Variants in HDLBP observed in about 807,000 individuals in gnomAD.
The protein encoded by HDLBP is vigilin.
A neutral mutation model predicts 137.3 loss-of-function variants in HDLBP; 30 were observed. That is an observed-to-expected ratio of 0.22 (90% CI 0.16 to 0.30). The LOEUF (loss-of-function observed/expected upper bound fraction) is 0.30. Among genes scored for constraint, HDLBP ranks in the 10% least tolerant of loss-of-function variants. The pLI is 1.00. For synonymous variants in HDLBP, 606 were observed against 596.0 expected, an observed-to-expected ratio of 1.02 and a Z score of -0.24; for missense variants, 1,119 against 1,667.3, an observed-to-expected ratio of 0.67 and a Z score of 5.73.
chr2:241,252,891 C>T, intron 11 of HDLBP, 66 bp downstream of exon 11: 4 of 1,101,118 alleles, frequency 3.6e-6, no homozygotes, highest in Non-Finnish European at 4.2e-6. Context: ...ACAGTTCTCA[C>T]AGCTGACACC....
chr2:241,301,662 T>A (rs1178868192), intron 1 of HDLBP, among the ~76,000 whole-genome samples: 1 of 152,034 alleles, frequency 6.6e-6, no homozygotes, highest in African/African-American at 2.4e-5. Flanking sequence ...CACACTTCAG[T>A]CTTCTATTTA....
chr2:241,231,503 T>G (rs1169185735), intron 24 of HDLBP, among the ~76,000 whole-genome samples: 1 of 151,894 alleles, frequency 6.6e-6, no homozygotes, highest in African/African-American at 2.4e-5. Context: ...ACATTTGTCC[T>G]CAAAGACAAA....
In HDLBP at chr2:241,235,109, C is replaced by T. The variant is rs1214172349; in HGVS notation, c.3144+12G>A. On this transcript the variant is annotated intron_variant, in intron 23 of 27. Transcript: ENST00000310931. ...ATGGCTCTGGGCAGTGCCCCGGCCA[C>T]CTCCTGCTCACCCGGTCCTCCTGCT... The T allele has an allele frequency of 1.2e-6, 2 of 1,611,304 alleles. No individual in the cohort carries two copies. The highest frequency in any genetic ancestry group is 1.7e-5 in the Admixed American group (1 of 59,986).
In HDLBP at chr2:241,242,564, G is replaced by C; in HGVS notation, c.2065C>G (p.His689Asp). ...IMEECGGVHI[H>D]FPVEGSGSDT... ...CTTCCTGAACCTTCCACGGGAAAGT[G>C]AATGTGGACCCCGCCGCACTCCTCC... Residue 689 changes from histidine to aspartate, a missense_variant, in exon 17 of 28, where the codon CAC (histidine) becomes GAC (aspartate). Physicochemically the swap from His to Asp is moderately conservative, Grantham distance 81. Around this residue, in one of 4 missense-constraint regions of HDLBP, gnomAD observed 618 missense variants for 816.7 expected, o/e 0.76. Coordinates refer to ENST00000310931, the MANE Select transcript of HDLBP (RefSeq NM_005336.6). 1 of 1,614,224 alleles carries C rather than the reference G, an allele frequency of 6.2e-7. No homozygotes were observed. The highest frequency in any genetic ancestry group is 2.2e-5 in the East Asian group (1 of 44,882).
chr2:241,309,026 T>G (rs920897471), intron 1 of HDLBP, among the ~76,000 whole-genome samples: 1 of 152,068 alleles, frequency 6.6e-6, no homozygotes, highest in African/African-American at 2.4e-5. Context: ...GCCCCCGTGC[T>G]TTTCACCTCC....
chr2:241,291,918 C>A (rs958702057), intron 1 of HDLBP, among the ~76,000 whole-genome samples: 5 of 152,166 alleles, frequency 3.3e-5, no homozygotes, highest in African/African-American at 1.2e-4. Context: ...CCAGAGCTGC[C>A]TGATGGCACC....
intron 1 of HDLBP, among the ~76,000 whole-genome samples, chr2:241,270,299 G>C (rs184609028): frequency 6.6e-6 from 1 of 152,264 alleles, no homozygotes; most frequent in Admixed American, 6.5e-5. Flanking sequence ...AGCCAGGTAA[G>C]GCAGAAGGCA....
At chr2:241,267,279 G>C (rs1267065034) in intron 2 of HDLBP, among the ~76,000 whole-genome samples, 2 of 152,100 alleles carry the variant, frequency 1.3e-5, no homozygotes, top group Admixed American at 1.3e-4. Flanking sequence ...AATTTGTGTT[G>C]GGCCATGTTC....
intron 1 of HDLBP, among the ~76,000 whole-genome samples, chr2:241,294,595 C>T (rs762872497): frequency 2.6e-5 from 4 of 152,192 alleles, no homozygotes; most frequent in Non-Finnish European, 2.9e-5. Flanking sequence ...TAAGGCGCTG[C>T]GACTACAGGT....
At chr2:241,264,632 G>A in intron 3 of HDLBP, 27 bp from the exon 4 acceptor site, 1 of 1,604,636 alleles carries the variant, frequency 6.2e-7, no homozygotes, top group Non-Finnish European at 8.5e-7. Flanking sequence ...AGATTAAAAG[G>A]AAGCACTACT....
In HDLBP at chr2:241,239,054, C is replaced by G. The variant is rs2070914547; in HGVS notation, c.2611-267G>C. Among the ~76,000 whole-genome samples the G allele has an allele frequency of 6.6e-6, 1 of 152,164 alleles. No homozygotes were observed. The highest frequency in any genetic ancestry group is 6.5e-5 in the Admixed American group (1 of 15,286). ...GCCAATTCAGCCAAAGGAGTGGGAC[C>G]TCCTGGGGTAGCCTCTGACTCCATG... On this transcript the variant is annotated intron_variant, in intron 19 of 27. Coordinates refer to ENST00000310931, the MANE Select transcript of HDLBP (RefSeq NM_005336.6). This position sits in a 1 kb window ranked among gnomAD's most constrained non-coding sequence, Gnocchi z 4.6.
At chr2:241,250,160 T>C (rs2072013023) in intron 11 of HDLBP, 180 bp from the exon 12 acceptor site, 1 of 558,314 alleles carries the variant, frequency 1.8e-6, no homozygotes, top group Admixed American at 3.6e-5. Context: ...CCAGTTATGA[T>C]CTTCACCTGG....
intron 1 of HDLBP, chr2:241,314,977 G>A (rs1483640698): frequency 6.6e-6 from 1 of 152,136 alleles, no homozygotes; most frequent in Non-Finnish European, 1.5e-5. Flanking sequence ...CCCCGGGCCG[G>A]GGCACAACCC....
At chr2:241,276,022 A>C (rs1407250881) in intron 1 of HDLBP, among the ~76,000 whole-genome samples, 1 of 152,200 alleles carries the variant, frequency 6.6e-6, no homozygotes, top group Non-Finnish European at 1.5e-5. Flanking sequence ...TATCAACAAT[A>C]AAATTTGAAG....
chr2:241,292,103 A>G (rs559467990), intron 1 of HDLBP, among the ~76,000 whole-genome samples: 1 of 152,316 alleles, frequency 6.6e-6, no homozygotes, highest in Non-Finnish European at 1.5e-5. Context: ...CAACCTACTG[A>G]CACCGCACCC....
At chr2:241,305,270 T>A (rs994585315) in intron 1 of HDLBP, among the ~76,000 whole-genome samples, 5 of 152,226 alleles carry the variant, frequency 3.3e-5, no homozygotes, top group African/African-American at 1.2e-4. Context: ...ACTACAGGCA[T>A]GTGTCACTAC....
intron 2 of HDLBP, chr2:241,267,732 T>G: frequency 6.5e-7 from 1 of 1,533,366 alleles, no homozygotes; most frequent in Non-Finnish European, 8.7e-7. Flanking sequence ...AAAAGCAGCC[T>G]CAGTGCTTTG....
intron 21 of HDLBP, chr2:241,235,958 C>G (rs1276212979): frequency 4.2e-6 from 1 of 235,702 alleles, no homozygotes; most frequent in Non-Finnish European, 8.3e-6. Flanking sequence ...CACTACTCAC[C>G]TTCCCTGCCC....
In HDLBP at chr2:241,240,421, T is replaced by C. The variant is rs1484142728; in HGVS notation, c.2170-299A>G. ...CTGACCAAACTTCTCCAAGCCATTT[T>C]TGATCTGCACAGGGGGAGGTGGGAG... On this transcript the variant is annotated intron_variant, in intron 17 of 27. Coordinates refer to ENST00000310931, the MANE Select transcript of HDLBP (RefSeq NM_005336.6). The surrounding 1 kb of genome is among the most constrained non-coding windows in gnomAD (Gnocchi z 5.5). 6.6e-6 allele frequency among the ~76,000 whole-genome samples: 1 copy of C among 152,218 alleles called. No individual in the cohort carries two copies. Among genetic ancestry groups the C allele is most frequent in the Non-Finnish European group, 1.5e-5 (1 of 68,040 alleles).
Sources: allele counts gnomAD v4.1 joint callset (sites outside exome capture counted in the v4.1 genomes callset), GRCh38; gene constraint gnomAD v4.1.1; regional missense constraint gnomAD v4.1.1; non-coding constraint Gnocchi (gnomAD v3.1); transcripts MANE v1.5; gene names NCBI Gene and HGNC (gene_info 2026-07-23, HGNC 2026-07-21).